The following IRF2BP2 variants were observed in gnomAD, a reference collection of about 807,000 sequenced individuals.
IRF2BP2 encodes the protein interferon regulatory factor 2 binding protein 2, also known as interferon regulatory factor 2-binding protein 2.
Under a neutral mutation model 32.7 loss-of-function variants are expected in IRF2BP2, and 13 were observed. The ratio of observed to expected loss-of-function variants is 0.40; its 90% CI spans 0.26 to 0.63. The LOEUF (loss-of-function observed/expected upper bound fraction) is 0.63. Among genes scored for constraint, IRF2BP2 ranks in the 30% least tolerant of loss-of-function variants. IRF2BP2 has a pLI of 0.42. For missense variants in IRF2BP2, 980 were observed against 830.6 expected (o/e 1.18, Z -2.21); for synonymous variants, 555 against 384.6 (o/e 1.44, Z -5.18).
At position 234,606,347 on chromosome 1, in the gene IRF2BP2, CATT is replaced by C. The variant is rs1672158932; in HGVS notation, c.*787_*789del. The C allele has an allele frequency of 1.3e-5, 2 of 152,258 alleles. No individual in the cohort carries two copies. Among genetic ancestry groups the C allele is most frequent in the East Asian group, 3.9e-4 (2 of 5,180 alleles). The allele number at this position is 152,258 out of a possible 1,614,324, so 9.4% of individuals were successfully genotyped here. ...GTGCCATCTTGTACACACCACCATCCATTATAACCGCCTTCCATCACTGGAATT... is the reference window on the plus strand; with the variant it reads ...GTGCCATCTTGTACACACCACCATCCATAACCGCCTTCCATCACTGGAATT... On this transcript the variant is annotated 3_prime_UTR_variant, in exon 2 of 2. Transcript: ENST00000366609.
Position 234,606,893 on chromosome 1 carries a change from T to TAAATAAA in IRF2BP2, c.*243_*244insTTTATTT, listed in dbSNP as rs1672175205. On this transcript the variant is annotated 3_prime_UTR_variant, in exon 2 of 2. Coordinates refer to ENST00000366609, the MANE Select transcript of IRF2BP2 (RefSeq NM_182972.3). The stretch of plus-strand genomic sequence containing the variant: ...CATAGAACGGTAACTGTCACCAGGA[T>TAAATAAA]AATAAAGCACAAAGATATGCTAATA... The TAAATAAA allele has an allele frequency of 2.8e-6, 1 of 354,088 alleles. No individual in the cohort carries two copies. Among genetic ancestry groups the TAAATAAA allele is most frequent in the African/African-American group, 2.1e-5 (1 of 48,262 alleles). 21.9% of individuals were successfully genotyped at this position (354,088 alleles called of 1,614,324 possible). A position where few individuals can be genotyped will look rare whatever the true frequency, so the allele number is the denominator to read the frequency against.
rs978274870 is a variant in IRF2BP2, at chr1:234,606,981, G to A, written c.*156C>T. ...ACCTTTTGTCGTCAAAAAAAATATAGAAACACAATGTATTCAAAAAAAATC... is the reference window on the plus strand; with the variant it reads ...ACCTTTTGTCGTCAAAAAAAATATAAAAACACAATGTATTCAAAAAAAATC... On this transcript the variant is annotated 3_prime_UTR_variant, in exon 2 of 2. Coordinates refer to ENST00000366609, the MANE Select transcript of IRF2BP2 (RefSeq NM_182972.3). The A allele has an allele frequency of 1.7e-6, 1 of 597,054 alleles. No individual in the cohort carries two copies. The highest frequency in any genetic ancestry group is 2.9e-6 in the Non-Finnish European group (1 of 348,360). 37.0% of individuals were successfully genotyped at this position (597,054 alleles called of 1,614,324 possible). A position where few individuals can be genotyped will look rare whatever the true frequency, so the allele number is the denominator to read the frequency against.
At position 234,607,167 on chromosome 1, in the gene IRF2BP2, A is replaced by T; in HGVS notation, c.1734T>A (p.Asp578Glu). 1.9e-6 allele frequency: 3 copies of T among 1,609,252 alleles called. No homozygotes were observed. The East Asian group carries it at 6.7e-5, about 36-fold the overall frequency. ...AGTCTCTCTCTTTTTTCACTTTCAC[A>T]TCTCCAGCAAGGATGGTTGCAATTT... ...QGEIATILAG[D>E]VKVKKERDS Residue 578 changes from aspartate (D) to glutamate (E), a missense_variant, in exon 2 of 2, where the codon GAT (aspartate) becomes GAA (glutamate). Coordinates refer to ENST00000366609, the MANE Select transcript of IRF2BP2 (RefSeq NM_182972.3).
rs748975490 is a variant in IRF2BP2, at chr1:234,608,942, G to C, written c.553C>G (p.Pro185Ala). The change falls in exon 1 of 2, where the codon CCG (proline) becomes GCG (alanine). Residue 185 changes from proline to alanine, a missense_variant. Physicochemically the swap from Pro to Ala is conservative, Grantham distance 27. Coordinates refer to ENST00000366609, the MANE Select transcript of IRF2BP2 (RefSeq NM_182972.3). ...TTCATGAGCGGCACCAGGGTGGGCG[G>C]CACCGCGTGGCCGCGCCGCGGGTTC... Reference protein sequence around the residue: ...SPNPRRGHAVPPTLVPLMNGS... With the variant: ...SPNPRRGHAVAPTLVPLMNGS... The C allele has an allele frequency of 7.3e-7, 1 of 1,361,104 alleles. No homozygotes were observed. Among genetic ancestry groups the C allele is most frequent in the Admixed American group, 2.9e-5 (1 of 33,990 alleles). The allele number at this position is 1,361,104 out of a possible 1,614,324, so 84.3% of individuals were successfully genotyped here.
chr1:234,607,497 CCTT>C lies in IRF2BP2; in HGVS notation c.1401_1403del (p.Arg468del), dbSNP rs1672195700. On this transcript the variant is annotated inframe_deletion, in exon 2 of 2. Coordinates refer to ENST00000366609, the MANE Select transcript of IRF2BP2 (RefSeq NM_182972.3). ...GGCCCCCCACCTCTCTGGGGCCCAG[CCTT>C]CTTTGGTTCATAGAGGACGGAGAGG... 4 of 1,613,988 alleles carry C rather than the reference CCTT, an allele frequency of 2.5e-6. No homozygotes were observed. Among genetic ancestry groups the C allele is most frequent in the Non-Finnish European group, 3.4e-6 (4 of 1,179,958 alleles).
chr1:234,608,085 G>A (rs537949877), intron 1 of IRF2BP2: 19 of 557,730 alleles, frequency 3.4e-5, no homozygotes, highest in African/African-American at 2.8e-4. Context: ...AAAATGACAC[G>A]CTTGTAACTG....
rs915532021 is a variant in IRF2BP2, at chr1:234,609,684, C to T, written c.-190G>A. On this transcript the variant is annotated 5_prime_UTR_variant, in exon 1 of 2. Transcript: ENST00000366609. ...GCGAAGGCTCGGCGCCCGCGCAGCG[C>T]CCCCGGTGCACGAGGGGCGGCGGGC... 1.1e-4 allele frequency among the ~76,000 whole-genome samples: 16 copies of T among 144,600 alleles called. No individual in the cohort carries two copies. Among genetic ancestry groups the T allele is most frequent in the Non-Finnish European group, 2.2e-4 (14 of 65,052 alleles). 94.9% of individuals were successfully genotyped at this position (144,600 alleles called of 152,430 possible).
chr1:234,608,011 C>G (rs1672214790), intron 1 of IRF2BP2, 159 bp from the exon 2 acceptor site: 1 of 613,396 alleles, frequency 1.6e-6, no homozygotes, highest in Non-Finnish European at 2.8e-6. Context: ...GGTGCACATG[C>G]AACTTAAAAC....
At position 234,609,527 on chromosome 1, in the gene IRF2BP2, C is replaced by CGGAGGA. The variant is rs763082303; in HGVS notation, c.-39_-34dup. The stretch of plus-strand genomic sequence containing the variant: ...GAGCCCGCGACGCCGGAGGAGGAGG[C>CGGAGGA]GGAGGAGGAGGAGGGGGCGCCGCCG... On this transcript the variant is annotated 5_prime_UTR_variant, in exon 1 of 2. Transcript: ENST00000366609. The CGGAGGA allele has an allele frequency of 1.9e-5, 26 of 1,367,662 alleles. No individual in the cohort carries two copies. The highest frequency in any genetic ancestry group is 2.4e-5 in the Non-Finnish European group (25 of 1,036,126). 84.7% of individuals were successfully genotyped at this position (1,367,662 alleles called of 1,614,324 possible). A position where few individuals can be genotyped will look rare whatever the true frequency, so the allele number is the denominator to read the frequency against.
rs769129197 is a variant in IRF2BP2, at chr1:234,608,940, C to T, written c.555G>A (p.Pro185=). The T allele has an allele frequency of 3.7e-6, 5 of 1,364,650 alleles. No homozygotes were observed. The highest frequency in any genetic ancestry group is 4.0e-5 in the South Asian group (2 of 50,188). The allele number at this position is 1,364,650 out of a possible 1,614,324, so 84.5% of individuals were successfully genotyped here. Residue 185 remains proline, a synonymous_variant, in exon 1 of 2, where the codon CCG becomes CCA. Transcript: ENST00000366609. ...CGTTCATGAGCGGCACCAGGGTGGG[C>T]GGCACCGCGTGGCCGCGCCGCGGGT... is the stretch of plus-strand genomic sequence containing the variant. ...SPNPRRGHAV[P]PTLVPLMNGS...
chr1:234,608,977 C>T lies in IRF2BP2; in HGVS notation c.518G>A (p.Arg173His), dbSNP rs2102769845. The change falls in exon 1 of 2, where the codon CGC (arginine) becomes CAC (histidine). Residue 173 changes from arginine (R) to histidine (H), a missense_variant. Transcript: ENST00000366609. ...SKLEEPPELN[R>H]QSPNPRRGHA... ...GCCGCGCCGCGGGTTCGGGCTCTGG[C>T]GATTCAGCTCGGGCGGCTCCTCTAG... 1 of 1,357,968 alleles carries T rather than the reference C, an allele frequency of 7.4e-7. No individual in the cohort carries two copies. The highest frequency in any genetic ancestry group is 2.8e-5 in the East Asian group (1 of 35,360). The allele number at this position is 1,357,968 out of a possible 1,614,324, so 84.1% of individuals were successfully genotyped here. A position where few individuals can be genotyped will look rare whatever the true frequency, so the allele number is the denominator to read the frequency against.
rs1048225903 is a variant in IRF2BP2, at chr1:234,608,860, G to C, written c.635C>G (p.Ser212Cys). 4.9e-5 allele frequency: 65 copies of C among 1,323,310 alleles called. No individual in the cohort carries two copies. The highest frequency in any genetic ancestry group is 5.7e-5 in the Non-Finnish European group (60 of 1,046,474). The allele number at this position is 1,323,310 out of a possible 1,614,324, so 82.0% of individuals were successfully genotyped here. Reference sequence around the variant, plus strand: ...CGCGGTTCCGGACACCGCGGCTAAGGAGGCGGCAGCGCGGCCGCCGAGGCC... The same window carrying C: ...CGCGGTTCCGGACACCGCGGCTAAGCAGGCGGCAGCGCGGCCGCCGAGGCC... ...ALGLGGRAAA[S>C]LAAVSGTAAA... is the part of the protein sequence containing the mutation. Residue 212 changes from serine to cysteine, a missense_variant, in exon 1 of 2, where the codon TCC (serine) becomes TGC (cysteine). Ser to Cys is a moderately radical substitution (Grantham distance 112). Coordinates refer to ENST00000366609, the MANE Select transcript of IRF2BP2 (RefSeq NM_182972.3).
intron 1 of IRF2BP2, 123 bp from the exon 2 acceptor site, chr1:234,607,975 C>G: frequency 1.3e-6 from 1 of 754,112 alleles, no homozygotes; most frequent in South Asian, 1.9e-5. Context: ...AAAGCACAGA[C>G]AGAAAATACT....
rs761663830 is a variant in IRF2BP2, at chr1:234,609,103, G to C, written c.392C>G (p.Ser131Cys). 2.5e-5 allele frequency: 31 copies of C among 1,231,914 alleles called. No individual in the cohort carries two copies. The highest frequency in any genetic ancestry group is 2.9e-5 in the Non-Finnish European group (29 of 989,246). The allele number at this position is 1,231,914 out of a possible 1,614,324, so 76.3% of individuals were successfully genotyped here. A position where few individuals can be genotyped will look rare whatever the true frequency, so the allele number is the denominator to read the frequency against. ...AAAERPPRLG[S>C]DFGSSRPAAS... ...TGCCGGGCGGCTGCTGCCGAAGTCAGAGCCGAGGCGCGGGGGCCTCTCGGC... is the reference window on the plus strand; with the variant it reads ...TGCCGGGCGGCTGCTGCCGAAGTCACAGCCGAGGCGCGGGGGCCTCTCGGC... Residue 131 changes from serine to cysteine, a missense_variant, in exon 1 of 2, where the codon TCT (serine) becomes TGT (cysteine). Transcript: ENST00000366609.
Position 234,607,073 on chromosome 1 carries a change from T to C in IRF2BP2, c.*64A>G, listed in dbSNP as rs6656006. The stretch of plus-strand genomic sequence containing the variant: ...TCTTGGATATATATATATATGGAGA[T>C]ATATATACAATTCAAGCAGTTTTAA... On this transcript the variant is annotated 3_prime_UTR_variant, in exon 2 of 2. Coordinates refer to ENST00000366609, the MANE Select transcript of IRF2BP2 (RefSeq NM_182972.3). 3 of 1,063,194 alleles carry C rather than the reference T, an allele frequency of 2.8e-6. No homozygotes were observed. Among genetic ancestry groups the C allele is most frequent in the African/African-American group, 1.6e-5 (1 of 62,952 alleles). 65.9% of individuals were successfully genotyped at this position (1,063,194 alleles called of 1,614,324 possible).
chr1:234,607,145 C>T lies in IRF2BP2; in HGVS notation c.1756G>A (p.Asp586Asn), dbSNP rs767704918. Residue 586 changes from aspartate to asparagine, a missense_variant, in exon 2 of 2, where the codon GAC becomes AAC. Asp to Asn is a conservative substitution (Grantham distance 23). Transcript: ENST00000366609. ...TTCTGAAACCGGAAAAGTCACGAGT[C>T]TCTCTCTTTTTTCACTTTCACATCT... is the stretch of plus-strand genomic sequence containing the variant. ...AGDVKVKKERDS is the reference protein window; with the variant it reads ...AGDVKVKKERNS 6.2e-7 allele frequency: 1 copy of T among 1,605,686 alleles called. No homozygotes were observed. The highest frequency in any genetic ancestry group is 1.3e-5 in the African/African-American group (1 of 74,730).
rs1672262974 is a variant in IRF2BP2, at chr1:234,609,019, G to A, written c.476C>T (p.Pro159Leu). ...QPPPVNGILV[P>L]NGFSKLEEPP... ...CTCCTCTAGCTTGGAGAAGCCGTTG[G>A]GCACCAGGATGCCGTTCACGGGCGG... The change falls in exon 1 of 2, where the codon CCC (proline) becomes CTC (leucine). Residue 159 changes from proline to leucine, a missense_variant. Transcript: ENST00000366609. 3.8e-6 allele frequency: 5 copies of A among 1,329,884 alleles called. No individual in the cohort carries two copies. Among genetic ancestry groups the A allele is most frequent in the East Asian group, 2.9e-5 (1 of 34,892 alleles). The allele number at this position is 1,329,884 out of a possible 1,614,324, so 82.4% of individuals were successfully genotyped here. A position where few individuals can be genotyped will look rare whatever the true frequency, so the allele number is the denominator to read the frequency against.
In IRF2BP2 at chr1:234,606,907, G is replaced by A. The variant is rs1250198280; in HGVS notation, c.*230C>T. On this transcript the variant is annotated 3_prime_UTR_variant, in exon 2 of 2. Transcript: ENST00000366609. ...TGTCACCAGGATAATAAAGCACAAA[G>A]ATATGCTAATAACGTTAACAAAAGA... The A allele has an allele frequency of 7.4e-6, 3 of 406,476 alleles. No homozygotes were observed. Among genetic ancestry groups the A allele is most frequent in the Non-Finnish European group, 8.8e-6 (2 of 226,382 alleles). The allele number at this position is 406,476 out of a possible 1,614,324, so 25.2% of individuals were successfully genotyped here. A position where few individuals can be genotyped will look rare whatever the true frequency, so the allele number is the denominator to read the frequency against.
chr1:234,609,147 G>C lies in IRF2BP2; in HGVS notation c.348C>G (p.Arg116=). ...TCTCGGCCGCGGCCGCCAACGGGTA[G>C]CGCTCCAAGGCCTGCGGCGCGCGCG... ...AAPRAPQALE[R]YPLAAAAERP... is the part of the protein sequence containing the mutation. Residue 116 remains arginine, a synonymous_variant, in exon 1 of 2, where the codon CGC becomes CGG. Coordinates refer to ENST00000366609, the MANE Select transcript of IRF2BP2 (RefSeq NM_182972.3). The C allele has an allele frequency of 8.1e-7, 1 of 1,241,516 alleles. No homozygotes were observed. The highest frequency in any genetic ancestry group is 3.3e-5 in the South Asian group (1 of 30,350). The allele number at this position is 1,241,516 out of a possible 1,614,324, so 76.9% of individuals were successfully genotyped here.
Sources: gnomAD v4.1 joint callset for allele counts (sites outside exome capture counted in the v4.1 genomes callset) on GRCh38, gnomAD v4.1.1 for gene constraint, MANE v1.5 for transcripts, NCBI Gene and HGNC (gene_info 2026-07-23, HGNC 2026-07-21) for gene names.